Variants in AMMECR1 observed in about 807,000 individuals in gnomAD.
AMMECR1 encodes AMMECR nuclear protein 1.
AMMECR1 carries 3 observed loss-of-function variants against 22.5 expected under a neutral mutation model. The observed-to-expected ratio is 0.13, with a 90% CI of 0.06 to 0.35. The LOEUF is 0.35. Ranked by LOEUF, AMMECR1 falls within the 10% of genes least tolerant of loss-of-function variation. The probability of loss-of-function intolerance (pLI) is 1.00; values close to 1 mark genes in which losing one functional copy is unlikely to be tolerated. For missense variants in AMMECR1, 235 were observed against 278.7 expected, an observed-to-expected ratio of 0.84 and a Z score of 1.12; for synonymous variants, 130 against 116.7, an observed-to-expected ratio of 1.11 and a Z score of -0.74.
At chrX:110,250,018 A>G (rs1282016743) in intron 2 of AMMECR1, among the ~76,000 whole-genome samples, 1 of 112,172 alleles carries the variant, frequency 8.9e-6, no homozygotes, top group African/African-American at 3.2e-5. Flanking sequence ...GCAGTTGAAT[A>G]GTTCTAAGGG....
At chrX:110,336,450 G>A (rs763356904) in intron 2 of AMMECR1, among the ~76,000 whole-genome samples, 16 of 110,918 alleles carry the variant, frequency 1.4e-4, no homozygotes, top group Non-Finnish European at 3.0e-4. Context: ...TTGGGAGGCC[G>A]AGGTGAGTGG....
At chrX:110,275,664 C>T (rs1297549321) in intron 1 of AMMECR1, among the ~76,000 whole-genome samples, 1 of 110,248 alleles carries the variant, frequency 9.1e-6, no homozygotes, top group Non-Finnish European at 1.9e-5. Context: ...AACCCCATCT[C>T]TACTAAAAAT....
At chrX:110,330,400 G>C (rs768219738) in intron 2 of AMMECR1, among the ~76,000 whole-genome samples, 147 of 111,381 alleles carry the variant, frequency 1.3e-3, no homozygotes, top group African/African-American at 4.6e-3. Flanking sequence ...GTCTAGAATA[G>C]TGTTACTCAA....
At chrX:110,395,115 C>A (rs1189789695) in intron 2 of AMMECR1, among the ~76,000 whole-genome samples, 3 of 112,608 alleles carry the variant, frequency 2.7e-5, no homozygotes, top group African/African-American at 9.7e-5. Flanking sequence ...GTTTCAGGGG[C>A]TGCTTTGTGG....
chrX:110,201,365 T>C (rs1018638317), intron 4 of AMMECR1, among the ~76,000 whole-genome samples: 1 of 112,004 alleles, frequency 8.9e-6, no homozygotes, highest in Admixed American at 9.5e-5. Flanking sequence ...ATATCTGTTG[T>C]ACTTTCCTCT....
intron 2 of AMMECR1, among the ~76,000 whole-genome samples, chrX:110,376,183 G>A (rs187141517): frequency 9.0e-6 from 1 of 111,560 alleles, no homozygotes; most frequent in East Asian, 2.8e-4. Context: ...TACACCATAA[G>A]GATGCCTTTG....
rs1455894595 is a variant in AMMECR1, at chrX:110,196,463, A to G, written c.*2057T>C. The G allele has an allele frequency of 1.0e-5, 1 of 98,491 alleles. No homozygotes were observed. The highest frequency in any genetic ancestry group is 3.2e-4 in the East Asian group (1 of 3,172). 8.1% of individuals were successfully genotyped at this position (98,491 alleles called of 1,213,427 possible). A position where few individuals can be genotyped will look rare whatever the true frequency, so the allele number is the denominator to read the frequency against. On this transcript the variant is annotated 3_prime_UTR_variant, in exon 6 of 6. Transcript: ENST00000262844. ...CATTCAGCTTGTGCTCAGTTTCCCT[A>G]TAAGGGTAAGAAAAGTTTCCATCAG... is the stretch of plus-strand genomic sequence containing the variant.
At chrX:110,225,980 T>C (rs1195008659) in intron 2 of AMMECR1, among the ~76,000 whole-genome samples, 1 of 111,751 alleles carries the variant, frequency 8.9e-6, no homozygotes, top group East Asian at 2.8e-4. Context: ...TTTAAATACT[T>C]TCTTATATTT....
chrX:110,318,238 G>A, upstream of AMMECR1: 1 of 211,178 alleles, frequency 4.7e-6, no homozygotes, highest in Non-Finnish European at 6.9e-6. Context: ...TGCCCCGCGC[G>A]CGCCCCCGCC....
intron 2 of AMMECR1, among the ~76,000 whole-genome samples, chrX:110,375,764 T>C (rs1444540336): frequency 8.9e-6 from 1 of 112,071 alleles, no homozygotes; most frequent in African/African-American, 3.2e-5. Flanking sequence ...GGTGAAATCA[T>C]AAGTGGGCTA....
intron 2 of AMMECR1, among the ~76,000 whole-genome samples, chrX:110,242,091 A>G (rs906804518): frequency 1.8e-5 from 2 of 111,501 alleles, no homozygotes; most frequent in African/African-American, 6.5e-5. Flanking sequence ...TACTCTAATT[A>G]TATTGTAAGC....
intron 1 of AMMECR1, among the ~76,000 whole-genome samples, chrX:110,300,897 T>G (rs1426725544): frequency 9.0e-6 from 1 of 111,595 alleles, no homozygotes; most frequent in Non-Finnish European, 1.9e-5. Flanking sequence ...TTTCTTTTAT[T>G]TAGCCATGAT....
intron 2 of AMMECR1, among the ~76,000 whole-genome samples, chrX:110,261,674 T>C (rs1045771120): frequency 3.6e-5 from 4 of 111,676 alleles, no homozygotes; most frequent in African/African-American, 1.3e-4. Context: ...CATAATAATA[T>C]CTATGGATTT....
chrX:110,416,739 T>C (rs1240960305), intron 2 of AMMECR1, among the ~76,000 whole-genome samples: 3 of 112,179 alleles, frequency 2.7e-5, no homozygotes, highest in African/African-American at 9.7e-5. Flanking sequence ...CTAAGCGTCC[T>C]GTGGGGTTGG....
chrX:110,333,798 A>G (rs2068130587), intron 2 of AMMECR1, among the ~76,000 whole-genome samples: 1 of 104,451 alleles, frequency 9.6e-6, no homozygotes, highest in Admixed American at 1.0e-4. Context: ...ATGGGGGTGC[A>G]GGGCTCATCA....
At chrX:110,402,569 G>A (rs1344426422) in intron 2 of AMMECR1, among the ~76,000 whole-genome samples, 1 of 112,423 alleles carries the variant, frequency 8.9e-6, no homozygotes, top group Non-Finnish European at 1.9e-5. Flanking sequence ...TTTGCCTAGG[G>A]GCGAGCCCTG....
chrX:110,243,817 A>G (rs2067645132), intron 2 of AMMECR1, among the ~76,000 whole-genome samples: 1 of 111,789 alleles, frequency 8.9e-6, no homozygotes, highest in East Asian at 2.8e-4. Flanking sequence ...TTTAAATAAA[A>G]TATTTAATAA....
Position 110,318,028 on chromosome X carries a change from C to G in AMMECR1, c.44G>C (p.Ser15Thr). ...CCGVKKQKLS[S>T]SPPSGSGGGG... ...GCCACCCGAGCCAGAGGGGGGCGAACTGGACAGTTTCTGCTTCTTCACCCC... is the reference window on the plus strand; with the variant it reads ...GCCACCCGAGCCAGAGGGGGGCGAAGTGGACAGTTTCTGCTTCTTCACCCC... The change falls in exon 1 of 6, where the codon AGT becomes ACT. Residue 15 changes from serine to threonine, a missense_variant. By Grantham distance (58) the Ser-to-Thr change is moderately conservative (BLOSUM62 1). Around this residue, in one of 2 missense-constraint regions of AMMECR1, gnomAD observed 124 missense variants for 97.0 expected, o/e 1.28. Coordinates refer to ENST00000262844, the MANE Select transcript of AMMECR1 (RefSeq NM_015365.3). 3 of 1,206,519 alleles carry G rather than the reference C, an allele frequency of 2.5e-6. No individual in the cohort carries two copies. The highest frequency in any genetic ancestry group is 3.4e-6 in the Non-Finnish European group (3 of 893,782).
chrX:110,412,848 G>C lies in AMMECR1; in HGVS notation c.-148+13810C>G, dbSNP rs1332702067. Among the ~76,000 whole-genome samples, 4 of 112,338 alleles carry C rather than the reference G, an allele frequency of 3.6e-5. No individual in the cohort carries two copies. In the Admixed American group the frequency reaches 3.7e-4, roughly 11 times the overall value. On this transcript the variant is annotated intron_variant, in intron 2 of 7. Coordinates refer to the AMMECR1 transcript ENST00000372057. The stretch of plus-strand genomic sequence containing the variant: ...TATGTTACACATACAGGAAAAGACT[G>C]GAAGGATAGACAGACTGTCAACACT...
Sources: allele counts gnomAD v4.1 joint callset (sites outside exome capture counted in the v4.1 genomes callset), GRCh38; gene constraint gnomAD v4.1.1; regional missense constraint gnomAD v4.1.1; transcripts MANE v1.5; gene names NCBI Gene and HGNC (gene_info 2026-07-23, HGNC 2026-07-21).